STK32B: variants seen among roughly 807,000 people sequenced by gnomAD.
The protein encoded by STK32B is serine/threonine-protein kinase 32B.
STK32B carries 43 observed loss-of-function variants against 52.6 expected under a neutral mutation model. The observed-to-expected ratio is 0.82, with a 90% CI of 0.64 to 1.05. The LOEUF (loss-of-function observed/expected upper bound fraction) is 1.05. STK32B is among the 50% of genes least tolerant of loss of function. The pLI is 0.00. For missense variants in STK32B, 621 were observed against 534.6 expected (o/e 1.16, Z -1.59); for synonymous variants, 238 against 204.3 (o/e 1.17, Z -1.41).
intron 3 of STK32B, among the ~76,000 whole-genome samples, chr4:5,171,788 T>C (rs186999554): frequency 0.14 from 18,652 of 136,738 alleles, 1,935 homozygotes; most frequent in East Asian, 0.24. Context: ...CTTGGCAATG[T>C]GGGCTCTGTT....
At chr4:5,424,739 C>T (rs1044983890) in intron 6 of STK32B, among the ~76,000 whole-genome samples, 2 of 152,194 alleles carry the variant, frequency 1.3e-5, no homozygotes, top group Non-Finnish European at 2.9e-5. Flanking sequence ...GAACTTGGGA[C>T]CTGCTGAATG....
chr4:5,400,748 G>T lies in STK32B; in HGVS notation c.472+2504G>T, dbSNP rs182963252. ...CCCTCCTTTACCTGCTCTTCTGAGG[G>T]GAGCTGATCGGCTTTTTGAGCAGAG... On this transcript the variant is annotated intron_variant, in intron 5 of 11. Transcript: ENST00000282908. The surrounding 1 kb of genome is among the most constrained non-coding windows in gnomAD (Gnocchi z 6.1). Among the ~76,000 whole-genome samples the T allele has an allele frequency of 3.3e-5, 5 of 152,198 alleles. No individual in the cohort carries two copies. In the South Asian group the frequency reaches 1.0e-3, roughly 32 times the overall value.
chr4:5,125,564 G>A (rs1379140104), intron 1 of STK32B, among the ~76,000 whole-genome samples: 1 of 152,170 alleles, frequency 6.6e-6, no homozygotes, highest in Non-Finnish European at 1.5e-5. Context: ...AGCGATGCAG[G>A]GAGATGCCCA....
At chr4:5,475,461 G>T (rs2109185416) in intron 11 of STK32B, among the ~76,000 whole-genome samples, 1 of 143,070 alleles carries the variant, frequency 7.0e-6, no homozygotes, top group East Asian at 2.1e-4. Flanking sequence ...TGGCTTGGGA[G>T]GCTGAGGTGG....
the STK32B span, among the ~76,000 whole-genome samples, chr4:5,021,124 C>T: frequency 6.6e-6 from 1 of 152,228 alleles, no homozygotes; most frequent in African/African-American, 2.4e-5. Context: ...TCCAGCTTGT[C>T]CCCACTGTAT....
intron 9 of STK32B, among the ~76,000 whole-genome samples, chr4:5,466,051 C>T (rs1388436344): frequency 2.6e-5 from 4 of 152,220 alleles, no homozygotes; most frequent in Admixed American, 6.5e-5. Context: ...TTATAGCCAC[C>T]GGGCTGCATT....
intron 3 of STK32B, among the ~76,000 whole-genome samples, chr4:5,296,628 C>T (rs1245718410): frequency 6.6e-6 from 1 of 152,154 alleles, no homozygotes; most frequent in African/African-American, 2.4e-5. Context: ...AATATCCCTC[C>T]ATCCCTTTTA....
chr4:5,337,080 G>C (rs1732756073), intron 4 of STK32B, among the ~76,000 whole-genome samples: 1 of 152,006 alleles, frequency 6.6e-6, no homozygotes, highest in Non-Finnish European at 1.5e-5. Context: ...CTGGGCTCAA[G>C]TGATCCTCCC....
At chr4:5,024,234 T>C in the STK32B span, among the ~76,000 whole-genome samples, 39 of 152,298 alleles carry the variant, frequency 2.6e-4, no homozygotes, top group African/African-American at 8.9e-4. Context: ...TGCAATAAGC[T>C]CTATGTAAGG....
intron 1 of STK32B, among the ~76,000 whole-genome samples, chr4:5,073,552 G>T (rs1385452514): frequency 6.6e-6 from 1 of 151,842 alleles, no homozygotes; most frequent in Non-Finnish European, 1.5e-5. Context: ...ATTTACCCAT[G>T]TATATAACGT....
At position 5,387,372 on chromosome 4, in the gene STK32B, A is replaced by C. The variant is rs1736327786; in HGVS notation, c.435-10835A>C. Among the ~76,000 whole-genome samples the C allele has an allele frequency of 2.6e-5, 4 of 152,164 alleles. No individual in the cohort carries two copies. The South Asian group carries it at 6.2e-4, about 24-fold the overall frequency. On this transcript the variant is annotated intron_variant, in intron 4 of 11. Coordinates refer to ENST00000282908, the MANE Select transcript of STK32B (RefSeq NM_018401.3). ...AACTCAGCACCTACTGGGAAGGACA[A>C]GCCTCAGTCAGATAATCACACAAGC... is the stretch of plus-strand genomic sequence containing the variant.
At chr4:5,276,000 A>C (rs1290012596) in intron 3 of STK32B, among the ~76,000 whole-genome samples, 1 of 152,098 alleles carries the variant, frequency 6.6e-6, no homozygotes. Context: ...ATTTTAAAAG[A>C]CATTTAGGCC....
chr4:5,093,257 C>T (rs1713195159), intron 1 of STK32B, among the ~76,000 whole-genome samples: 1 of 152,160 alleles, frequency 6.6e-6, no homozygotes, highest in Non-Finnish European at 1.5e-5. Flanking sequence ...TAACATTTAT[C>T]AAAACATACA....
the STK32B span, among the ~76,000 whole-genome samples, chr4:5,037,027 G>A: frequency 2.6e-3 from 395 of 152,274 alleles, 1 homozygote; most frequent in African/African-American, 9.3e-3. Context: ...GCATCCTGTG[G>A]AAATTGGCAT....
At chr4:5,316,211 T>TATATAGA (rs1204946072) in intron 3 of STK32B, among the ~76,000 whole-genome samples, 1 of 79,718 alleles carries the variant, frequency 1.3e-5, no homozygotes, top group African/African-American at 9.9e-5. Flanking sequence ...ATAATATATA[T>TATATAGA]TACATAATAT....
chr4:5,328,003 T>C (rs545656721), intron 3 of STK32B, among the ~76,000 whole-genome samples: 1 of 152,326 alleles, frequency 6.6e-6, no homozygotes, highest in Admixed American at 6.5e-5. Context: ...CCTTGTGCTT[T>C]TATGTTCTGG....
intron 1 of STK32B, among the ~76,000 whole-genome samples, chr4:5,061,497 G>C (rs1394242773): frequency 6.6e-6 from 1 of 152,104 alleles, no homozygotes; most frequent in Non-Finnish European, 1.5e-5. Context: ...AGCATGTTTT[G>C]TTCTCTAATT....
rs149933531 is a variant in STK32B at position 5,155,043 on chromosome 4, G to A, written c.109-13256G>A. On this transcript the variant is annotated intron_variant, in intron 2 of 11. Coordinates refer to ENST00000282908, the MANE Select transcript of STK32B (RefSeq NM_018401.3). ...TCCTCTCTGTCTTCCTGCTCATTCT[G>A]TTCCAGCCCTTCTTCAAGTCTCTTG... Among the ~76,000 whole-genome samples, 65 of 152,228 alleles carry A rather than the reference G, an allele frequency of 4.3e-4. 3 individuals are homozygous for A. In the East Asian group the frequency reaches 0.012, roughly 29 times the overall value.
intron 1 of STK32B, among the ~76,000 whole-genome samples, chr4:5,128,566 C>T (rs1046859970): frequency 6.6e-6 from 1 of 152,110 alleles, no homozygotes; most frequent in Non-Finnish European, 1.5e-5. Context: ...TAAGGCTTTA[C>T]AAAACACATT....
Sources: gnomAD v4.1 joint callset for allele counts (sites outside exome capture counted in the v4.1 genomes callset) on GRCh38, gnomAD v4.1.1 for gene constraint, Gnocchi (gnomAD v3.1) non-coding constraint, MANE v1.5 for transcripts, NCBI Gene and HGNC (gene_info 2026-07-23, HGNC 2026-07-21) for gene names.